Variants in TMEM38B observed in about 807,000 individuals in gnomAD.
TMEM38B encodes the protein trimeric intracellular cation channel type B.
Under a neutral mutation model 28.7 loss-of-function variants are expected in TMEM38B, and 24 were observed. That is an observed-to-expected ratio of 0.84 (90% CI 0.61 to 1.18). The LOEUF (loss-of-function observed/expected upper bound fraction) is 1.18. TMEM38B is among the 50% of genes most tolerant of loss of function. The pLI is 0.00. For missense variants in TMEM38B, 380 were observed against 350.9 expected, an observed-to-expected ratio of 1.08 and a Z score of -0.66; for synonymous variants, 131 against 127.7, an observed-to-expected ratio of 1.03 and a Z score of -0.17.
At chr9:105,711,158 T>C (rs1314087791) in intron 2 of TMEM38B, among the ~76,000 whole-genome samples, 2 of 152,080 alleles carry the variant, frequency 1.3e-5, no homozygotes, top group Non-Finnish European at 2.9e-5. Context: ...AAAGTGAAAA[T>C]AGCTGGGCAC....
chr9:105,764,355 C>G (rs1221972056), intron 5 of TMEM38B, among the ~76,000 whole-genome samples: 1 of 152,134 alleles, frequency 6.6e-6, no homozygotes, highest in Non-Finnish European at 1.5e-5. Flanking sequence ...CCCGAAATCT[C>G]CTTAAGCTGA....
intron 1 of TMEM38B, among the ~76,000 whole-genome samples, chr9:105,700,184 C>G (rs1223468193): frequency 6.6e-6 from 1 of 152,122 alleles, no homozygotes; most frequent in Non-Finnish European, 1.5e-5. Context: ...TTCATTGAAA[C>G]TCTGTATTGG....
chr9:105,729,695 G>C (rs1348096186), intron 4 of TMEM38B, among the ~76,000 whole-genome samples: 1 of 152,074 alleles, frequency 6.6e-6, no homozygotes, highest in Non-Finnish European at 1.5e-5. Flanking sequence ...TCACAATATT[G>C]ATTCTTCCTA....
intron 2 of TMEM38B, among the ~76,000 whole-genome samples, chr9:105,706,594 A>C (rs1270599979): frequency 6.6e-6 from 1 of 152,216 alleles, no homozygotes; most frequent in Non-Finnish European, 1.5e-5. Flanking sequence ...GTGTCAAAAG[A>C]AAAACAAGAA....
intron 2 of TMEM38B, among the ~76,000 whole-genome samples, chr9:105,706,506 G>T (rs1394320551): frequency 6.6e-6 from 1 of 152,210 alleles, no homozygotes; most frequent in Non-Finnish European, 1.5e-5. Flanking sequence ...TTATAAGTGG[G>T]CTCATAAGAG....
chr9:105,702,267 A>T (rs1013572178), intron 1 of TMEM38B, among the ~76,000 whole-genome samples: 1 of 151,234 alleles, frequency 6.6e-6, no homozygotes, highest in South Asian at 2.1e-4. Flanking sequence ...AGACTAAAGC[A>T]AAAGTAAACT....
intron 5 of TMEM38B, chr9:105,758,155 G>T: frequency 1.7e-6 from 1 of 589,710 alleles, no homozygotes; most frequent in South Asian, 2.0e-5. Context: ...AGTGGGCACT[G>T]ACAGACCTAT....
At chr9:105,743,634 G>A (rs1440138499) in intron 4 of TMEM38B, among the ~76,000 whole-genome samples, 1 of 152,100 alleles carries the variant, frequency 6.6e-6, no homozygotes, top group Non-Finnish European at 1.5e-5. Context: ...ATGCTGTCCT[G>A]GAGTTAGCTA....
At chr9:105,739,023 G>C (rs998006364) in intron 4 of TMEM38B, among the ~76,000 whole-genome samples, 6 of 151,938 alleles carry the variant, frequency 3.9e-5, no homozygotes, top group Non-Finnish European at 7.4e-5. Context: ...TGCCTGGCCT[G>C]AGTTAATTTT....
intron 4 of TMEM38B, among the ~76,000 whole-genome samples, chr9:105,736,000 G>C (rs1231119291): frequency 6.6e-6 from 1 of 151,944 alleles, no homozygotes; most frequent in Non-Finnish European, 1.5e-5. Flanking sequence ...CTCAAAAATA[G>C]CTGGTATTTA....
intron 2 of TMEM38B, among the ~76,000 whole-genome samples, chr9:105,720,521 G>A (rs1836277610): frequency 6.6e-6 from 1 of 152,050 alleles, no homozygotes; most frequent in Non-Finnish European, 1.5e-5. Context: ...GAAGGAATTG[G>A]TAAGTGGAGA....
chr9:105,694,660 T>C lies in TMEM38B; in HGVS notation c.-1T>C, dbSNP rs1465765476. ...TTCGGTTGCCGCGGTCGGTGGTCGT[T>C]ATGGATTCTCCATGGGACGAGTTGG... is the stretch of plus-strand genomic sequence containing the variant. On this transcript the variant is annotated 5_prime_UTR_variant, in exon 1 of 6. Transcript: ENST00000374692. 1 of 1,613,470 alleles carries C rather than the reference T, an allele frequency of 6.2e-7. No homozygotes were observed. Among genetic ancestry groups the C allele is most frequent in the East Asian group, 2.2e-5 (1 of 44,830 alleles).
At position 105,751,950 on chromosome 9, in the gene TMEM38B, A is replaced by AG. The variant is rs1837669778; in HGVS notation, c.660+3761dup. On this transcript the variant is annotated intron_variant, in intron 5 of 5. Coordinates refer to ENST00000374692, the MANE Select transcript of TMEM38B (RefSeq NM_018112.3). ...TTGGGACGTAGCTCTCAGGGGGAGG[A>AG]GTGGCCGCCATTTTTGTGGTTTGGT... 2.0e-5 allele frequency among the ~76,000 whole-genome samples: 3 copies of AG among 151,862 alleles called. No individual in the cohort carries two copies. In the South Asian group the frequency reaches 6.2e-4, roughly 32 times the overall value.
At chr9:105,748,689 C>G (rs901019611) in intron 5 of TMEM38B, among the ~76,000 whole-genome samples, 32 of 152,138 alleles carry the variant, frequency 2.1e-4, no homozygotes, top group African/African-American at 7.5e-4. Context: ...GCTGCCTAGT[C>G]CCTGAATAGG....
intron 4 of TMEM38B, among the ~76,000 whole-genome samples, chr9:105,737,800 C>G (rs1482422375): frequency 6.6e-6 from 1 of 152,152 alleles, no homozygotes; most frequent in Non-Finnish European, 1.5e-5. Flanking sequence ...TGCTTTGGCT[C>G]AGGTGTCAGA....
intron 5 of TMEM38B, among the ~76,000 whole-genome samples, chr9:105,748,591 T>C (rs1837522379): frequency 6.6e-6 from 1 of 152,214 alleles, no homozygotes; most frequent in South Asian, 2.1e-4. Context: ...GTAGTCATTC[T>C]TTTCTATTAC....
At chr9:105,731,803 A>C (rs1289087729) in intron 4 of TMEM38B, among the ~76,000 whole-genome samples, 1 of 152,140 alleles carries the variant, frequency 6.6e-6, no homozygotes, top group Non-Finnish European at 1.5e-5. Flanking sequence ...ATGATTTATA[A>C]TCCTTTAGGT....
chr9:105,714,213 C>T (rs1414921549), intron 2 of TMEM38B, among the ~76,000 whole-genome samples: 2 of 152,178 alleles, frequency 1.3e-5, no homozygotes, highest in Admixed American at 1.3e-4. Flanking sequence ...ACCTTCCTCT[C>T]AGCTGACAGC....
intron 4 of TMEM38B, among the ~76,000 whole-genome samples, chr9:105,727,186 T>G (rs1014558637): frequency 6.6e-6 from 1 of 152,160 alleles, no homozygotes; most frequent in African/African-American, 2.4e-5. Context: ...CATGTGTGCT[T>G]CTTTGTATCC....
Sources: allele counts gnomAD v4.1 joint callset (sites outside exome capture counted in the v4.1 genomes callset), GRCh38; gene constraint gnomAD v4.1.1; transcripts MANE v1.5; gene names NCBI Gene and HGNC (gene_info 2026-07-23, HGNC 2026-07-21).